MYO3A: variants seen among roughly 807,000 people sequenced by gnomAD.
MYO3A encodes the protein myosin IIIA.
Under a neutral mutation model 192.7 loss-of-function variants are expected in MYO3A, and 180 were observed. The observed-to-expected ratio is 0.93, with a 90% CI of 0.83 to 1.06. The LOEUF (loss-of-function observed/expected upper bound fraction) is 1.06. MYO3A is among the 50% of genes least tolerant of loss of function. MYO3A has a pLI of 0.00. For synonymous variants in MYO3A, 628 were observed against 645.3 expected (o/e 0.97, Z 0.41); for missense variants, 1,896 against 1,905.0 (o/e 1.00, Z 0.09).
At chr10:26,138,816 A>G (rs1839994507) in intron 20 of MYO3A, among the ~76,000 whole-genome samples, 1 of 152,214 alleles carries the variant, frequency 6.6e-6, no homozygotes, top group African/African-American at 2.4e-5. Flanking sequence ...AAGTCACTCA[A>G]ATGCCAGCTT....
At chr10:25,963,851 T>G (rs11014878) in intron 4 of MYO3A, among the ~76,000 whole-genome samples, 1 of 151,996 alleles carries the variant, frequency 6.6e-6, no homozygotes, top group East Asian at 1.9e-4. Context: ...CTTAGGAAAT[T>G]TATACATAAT....
intron 20 of MYO3A, among the ~76,000 whole-genome samples, chr10:26,142,749 G>A (rs1157081601): frequency 6.6e-6 from 1 of 152,100 alleles, no homozygotes; most frequent in South Asian, 2.1e-4. Flanking sequence ...TTGTAACTAC[G>A]TAAATGTCTG....
In MYO3A at chr10:26,088,205, T is replaced by C; in HGVS notation, c.1362T>C (p.Ala454=). 1 of 1,600,274 alleles carries C rather than the reference T, an allele frequency of 6.2e-7. No individual in the cohort carries two copies. The highest frequency in any genetic ancestry group is 8.5e-7 in the Non-Finnish European group (1 of 1,172,132). The change falls in exon 15 of 35, where the codon GCT becomes GCC. Residue 454 remains alanine (A), a splice_region_variant and synonymous_variant. Transcript: ENST00000642920. ...ATATCTTAATATTTTCTATTTAGGC[T>C]AATAACAGAACCTTGCAAGAGAAGA... ...LVQQLTVLGK[A]NNRTLQEKIL...
At chr10:26,067,167 A>G in intron 11 of MYO3A, 93 bp downstream of exon 11, 1 of 819,528 alleles carries the variant, frequency 1.2e-6, no homozygotes, top group South Asian at 1.4e-5. Context: ...AGGAATATAT[A>G]GATTATGATG....
At chr10:25,934,717 A>G (rs12265873) in intron 1 of MYO3A, among the ~76,000 whole-genome samples, 10,982 of 145,236 alleles carry the variant, frequency 0.076, 518 homozygotes, top group African/African-American at 0.13. Flanking sequence ...GGTGGACTTG[A>G]GGGAAGATCT....
chr10:26,145,968 A>G (rs1352401758), intron 22 of MYO3A, among the ~76,000 whole-genome samples: 1 of 152,202 alleles, frequency 6.6e-6, no homozygotes, highest in Non-Finnish European at 1.5e-5. Context: ...GACCTTTGGT[A>G]TAGACTGCCT....
At chr10:26,026,585 A>T in intron 10 of MYO3A, 53 bp downstream of exon 10, 1 of 1,597,684 alleles carries the variant, frequency 6.3e-7, no homozygotes, top group Non-Finnish European at 8.6e-7. Context: ...AAAGATTTTG[A>T]ACAGTTTAAC....
intron 20 of MYO3A, 39 bp downstream of exon 20, chr10:26,128,577 T>C: frequency 6.4e-7 from 1 of 1,566,732 alleles, no homozygotes; most frequent in Non-Finnish European, 8.8e-7. Context: ...CATGCATGCA[T>C]GTATTATAGG....
At chr10:25,980,522 T>C (rs539085080) in intron 4 of MYO3A, among the ~76,000 whole-genome samples, 2 of 152,308 alleles carry the variant, frequency 1.3e-5, no homozygotes, top group South Asian at 4.1e-4. Context: ...AACACATTTA[T>C]ATATAAATGT....
At chr10:26,019,363 A>G (rs556238790) in intron 7 of MYO3A, among the ~76,000 whole-genome samples, 57 of 152,054 alleles carry the variant, frequency 3.7e-4, no homozygotes, top group African/African-American at 1.1e-3. Context: ...GGTTCACGCC[A>G]TTCTCCTGCC....
Position 26,157,471 on chromosome 10 carries a change from A to G in MYO3A, c.2955A>G (p.Arg985=), listed in dbSNP as rs1841209985. The G allele has an allele frequency of 1.2e-6, 2 of 1,614,066 alleles. No homozygotes were observed. Reference sequence around the variant, plus strand: ...TTCTGGAAACAGCAAGAATTCGAAGACTAGGATTCTCCCATCGGATACTTT... The same window carrying G: ...TTCTGGAAACAGCAAGAATTCGAAGGCTAGGATTCTCCCATCGGATACTTT... ...TGILETARIR[R]LGFSHRILFA... Residue 985 remains arginine, a synonymous_variant, in exon 26 of 35, where the codon AGA becomes AGG. Coordinates refer to ENST00000642920, the MANE Select transcript of MYO3A (RefSeq NM_017433.5).
chr10:26,063,504 C>CT (rs969501134), intron 10 of MYO3A, among the ~76,000 whole-genome samples: 10 of 152,050 alleles, frequency 6.6e-5, no homozygotes, highest in Admixed American at 1.3e-4. Context: ...TCTTGAGTCA[C>CT]TTTTTTTTGC....
At chr10:26,099,316 A>G (rs1250981268) in intron 17 of MYO3A, among the ~76,000 whole-genome samples, 1 of 152,168 alleles carries the variant, frequency 6.6e-6, no homozygotes, top group Non-Finnish European at 1.5e-5. Context: ...TTGGGCTGAG[A>G]TGATGGGGTT....
At position 26,120,591 on chromosome 10, in the gene MYO3A, C is replaced by G. The variant is rs1195015994; in HGVS notation, c.1777-85C>G. 1.9e-6 allele frequency: 3 copies of G among 1,579,400 alleles called. No individual in the cohort carries two copies. In the African/African-American group the frequency reaches 4.0e-5, roughly 21 times the overall value. On this transcript the variant is annotated intron_variant, in intron 17 of 34. Coordinates refer to ENST00000642920, the MANE Select transcript of MYO3A (RefSeq NM_017433.5). ...ATAGATATGAAAGGGCCTGAGGGTT[C>G]TCTTCCAGTCTGTCCCCAGCCATAG...
intron 20 of MYO3A, among the ~76,000 whole-genome samples, chr10:26,138,577 G>T (rs1392926782): frequency 6.6e-6 from 1 of 152,134 alleles, no homozygotes; most frequent in African/African-American, 2.4e-5. Flanking sequence ...TTCCAAGCTT[G>T]GGGCTTACAT....
At chr10:25,995,140 G>A (rs1193588684) in intron 4 of MYO3A, among the ~76,000 whole-genome samples, 2 of 152,142 alleles carry the variant, frequency 1.3e-5, no homozygotes, top group Non-Finnish European at 2.9e-5. Context: ...GCCACTTTCA[G>A]GTACACCAAT....
In MYO3A at chr10:26,070,254, G is replaced by A. The variant is rs1835124021; in HGVS notation, c.1275+39G>A. On this transcript the variant is annotated intron_variant, in intron 13 of 34. Transcript: ENST00000642920. ...CCCATTCTTAGAAATTTACCTCTTA[G>A]TTACTTAAATGTCACTTAATTTTGA... is the stretch of plus-strand genomic sequence containing the variant. 5 of 1,579,354 alleles carry A rather than the reference G, an allele frequency of 3.2e-6. No homozygotes were observed. In the South Asian group the frequency reaches 5.6e-5, roughly 18 times the overall value.
chr10:26,193,120 A>G (rs1200556120), intron 31 of MYO3A, 85 bp from the exon 32 acceptor site: 1 of 1,101,794 alleles, frequency 9.1e-7, no homozygotes, highest in African/African-American at 1.6e-5. Flanking sequence ...ATATGTGTAT[A>G]ATTTCTTATT....
intron 4 of MYO3A, among the ~76,000 whole-genome samples, chr10:25,988,189 A>T (rs1564432061): frequency 6.6e-6 from 1 of 152,068 alleles, no homozygotes; most frequent in Non-Finnish European, 1.5e-5. Context: ...AGAATGATAC[A>T]CTGGACATTG....
Sources: gnomAD v4.1 joint callset for allele counts (sites outside exome capture counted in the v4.1 genomes callset) on GRCh38, gnomAD v4.1.1 for gene constraint, MANE v1.5 for transcripts, NCBI Gene and HGNC (gene_info 2026-07-23, HGNC 2026-07-21) for gene names.